CCSER1: variants seen among roughly 807,000 people sequenced by gnomAD.
CCSER1 encodes serine-rich coiled-coil domain-containing protein 1.
In CCSER1, 41 loss-of-function variants were observed where a neutral mutation model predicts 82.0. The ratio of observed to expected loss-of-function variants is 0.50; its 90% confidence interval spans 0.39 to 0.65. CCSER1 has a LOEUF of 0.65. Among genes scored for constraint, CCSER1 ranks in the 30% least tolerant of loss-of-function variants. CCSER1 has a pLI of 0.00. For missense variants in CCSER1, 1,119 were observed against 1,064.2 expected (o/e 1.05, Z -0.72); for synonymous variants, 414 against 383.9 (o/e 1.08, Z -0.92).
In CCSER1 at chr4:91,195,870, CTTTCT is replaced by C. The variant is rs1560508477; in HGVS notation, c.2217+109878_2217+109882del. 1.8e-4 allele frequency among the ~76,000 whole-genome samples: 28 copies of C among 152,196 alleles called. 1 individual carries two copies. Among genetic ancestry groups the C allele is most frequent in the African/African-American group, 6.3e-4 (26 of 41,544 alleles). On this transcript the variant is annotated intron_variant, in intron 10 of 10. Coordinates refer to ENST00000509176, the MANE Select transcript of CCSER1 (RefSeq NM_001145065.2). The stretch of plus-strand genomic sequence containing the variant: ...ACTCTGCAGTGATTCACACCGTTCC[CTTTCT>C]TACAACTCTTCATGACTCCACCTTG...
At chr4:91,223,299 G>A (rs1218203166) in intron 10 of CCSER1, among the ~76,000 whole-genome samples, 1 of 152,032 alleles carries the variant, frequency 6.6e-6, no homozygotes, top group East Asian at 1.9e-4. Context: ...TCTGAAAAGT[G>A]CATTGTAGAC....
intron 10 of CCSER1, among the ~76,000 whole-genome samples, chr4:91,552,772 T>G (rs983506937): frequency 1.3e-5 from 2 of 151,598 alleles, no homozygotes; most frequent in African/African-American, 4.9e-5. Flanking sequence ...CTAACAATTT[T>G]CTTGGTGGAG....
intron 10 of CCSER1, among the ~76,000 whole-genome samples, chr4:91,116,799 TGAAG>T (rs1726658865): frequency 6.6e-6 from 1 of 152,196 alleles, no homozygotes; most frequent in South Asian, 2.1e-4. Context: ...TCAACCTGCA[TGAAG>T]AATTAGTTTT....
intron 3 of CCSER1, among the ~76,000 whole-genome samples, chr4:90,346,341 C>G (rs540864878): frequency 6.6e-6 from 1 of 151,818 alleles, no homozygotes; most frequent in African/African-American, 2.4e-5. Flanking sequence ...GCACTTATAA[C>G]CGTGTAGATC....
chr4:90,278,416 A>G (rs575876058), intron 1 of CCSER1, among the ~76,000 whole-genome samples: 2 of 152,198 alleles, frequency 1.3e-5, no homozygotes, highest in African/African-American at 4.8e-5. Context: ...CAAAAAACAT[A>G]GAATCATCCC....
At position 90,737,322 on chromosome 4, in the gene CCSER1, G is replaced by A. The variant is rs141971747; in HGVS notation, c.2010+13331G>A. On this transcript the variant is annotated intron_variant, in intron 7 of 10. Coordinates refer to ENST00000509176, the MANE Select transcript of CCSER1 (RefSeq NM_001145065.2). ...AGGTTTGGTGTTAACAAAATCCCTC[G>A]TCTTTTGTTTGACTGAGAACATCTT... Among the ~76,000 whole-genome samples, 1,402 of 152,098 alleles carry A rather than the reference G, an allele frequency of 9.2e-3. 22 individuals are homozygous for A. The highest frequency in any genetic ancestry group is 0.032 in the African/African-American group (1,316 of 41,526).
intron 9 of CCSER1, among the ~76,000 whole-genome samples, chr4:91,062,543 C>T (rs995601118): frequency 6.6e-6 from 1 of 151,874 alleles, no homozygotes; most frequent in Non-Finnish European, 1.5e-5. Context: ...TGAGGTGGTC[C>T]CTGGAGTGCT....
chr4:90,905,788 A>T (rs1258486078), intron 8 of CCSER1, among the ~76,000 whole-genome samples: 2 of 152,088 alleles, frequency 1.3e-5, no homozygotes, highest in Non-Finnish European at 2.9e-5. Context: ...CTCTTCTGCT[A>T]GCTGTATAGT....
chr4:90,241,118 A>C (rs918909769), intron 1 of CCSER1, among the ~76,000 whole-genome samples: 3 of 152,220 alleles, frequency 2.0e-5, no homozygotes, highest in African/African-American at 7.2e-5. Flanking sequence ...AATATTGATG[A>C]TAGGGCACTA....
chr4:90,741,034 G>A (rs76380169), intron 7 of CCSER1, among the ~76,000 whole-genome samples: 4,104 of 152,142 alleles, frequency 0.027, 150 homozygotes, highest in African/African-American at 0.087. Flanking sequence ...TCCTTAATTG[G>A]CCAAAGTGAG....
chr4:90,735,350 G>A (rs1745466233), intron 7 of CCSER1, among the ~76,000 whole-genome samples: 1 of 152,090 alleles, frequency 6.6e-6, no homozygotes, highest in South Asian at 2.1e-4. Flanking sequence ...AATGACTTTG[G>A]AAGTATTTTC....
intron 5 of CCSER1, among the ~76,000 whole-genome samples, chr4:90,587,561 GATT>G (rs1782176793): frequency 6.6e-6 from 1 of 152,164 alleles, no homozygotes; most frequent in Admixed American, 6.5e-5. Flanking sequence ...TACAGTACAT[GATT>G]ATTAATAATT....
chr4:91,496,852 CA>C (rs1234945227), intron 10 of CCSER1, among the ~76,000 whole-genome samples: 3 of 84,724 alleles, frequency 3.5e-5, no homozygotes, highest in Admixed American at 1.4e-4. Context: ...TATATATATT[CA>C]AATATATATT....
intron 10 of CCSER1, among the ~76,000 whole-genome samples, chr4:91,348,965 G>C (rs1462644266): frequency 6.6e-6 from 1 of 152,078 alleles, no homozygotes; most frequent in East Asian, 1.9e-4. Flanking sequence ...CTGGAGTGCA[G>C]TGGTGAGATC....
At chr4:91,293,083 C>A (rs916637309) in intron 10 of CCSER1, among the ~76,000 whole-genome samples, 3 of 151,868 alleles carry the variant, frequency 2.0e-5, no homozygotes, top group Non-Finnish European at 4.4e-5. Flanking sequence ...AAATAATTTG[C>A]CTGTTTTTAA....
rs557300656 is a variant in CCSER1 at position 91,499,554 on chromosome 4, TA to T, written c.2218-99017del. ...CAGATTCTGTGGGTTTAGACAAACG[TA>T]TGACAATTATCCACCATTTTAATAT... On this transcript the variant is annotated intron_variant, in intron 10 of 10. Transcript: ENST00000509176. Among the ~76,000 whole-genome samples the T allele has an allele frequency of 2.5e-3, 377 of 152,080 alleles. 2 individuals are homozygous for T. The highest frequency in any genetic ancestry group is 8.6e-3 in the African/African-American group (358 of 41,540).
chr4:91,420,408 A>G (rs1753622880), intron 10 of CCSER1, among the ~76,000 whole-genome samples: 1 of 152,194 alleles, frequency 6.6e-6, no homozygotes, highest in South Asian at 2.1e-4. Context: ...TCCAAAGAAG[A>G]CATAAAAATA....
At chr4:90,349,843 G>A (rs569131813) in intron 3 of CCSER1, among the ~76,000 whole-genome samples, 9 of 148,348 alleles carry the variant, frequency 6.1e-5, no homozygotes, top group Admixed American at 6.1e-4. Context: ...CTTCATTCAC[G>A]TGAGGTAAAT....
chr4:90,391,495 CAG>C (rs1751116891), intron 3 of CCSER1, among the ~76,000 whole-genome samples: 1 of 76,118 alleles, frequency 1.3e-5, no homozygotes, highest in Non-Finnish European at 2.2e-5. Flanking sequence ...TACACACACA[CAG>C]TGGGTAAATA....
Sources: allele counts gnomAD v4.1 joint callset (sites outside exome capture counted in the v4.1 genomes callset), GRCh38; gene constraint gnomAD v4.1.1; transcripts MANE v1.5; gene names NCBI Gene and HGNC (gene_info 2026-07-23, HGNC 2026-07-21).